Variants in TULP4 observed in about 807,000 individuals in gnomAD.
The protein encoded by TULP4 is tubby-related protein 4.
Under a neutral mutation model 129.0 loss-of-function variants are expected in TULP4, and 16 were observed. The observed-to-expected ratio is 0.12, with a 90% CI of 0.08 to 0.19. TULP4 has a LOEUF of 0.19. Ranked by LOEUF, TULP4 falls within the 10% of genes least tolerant of loss-of-function variation. The pLI, the probability that TULP4 is intolerant of heterozygous loss-of-function variation, is 1.00. For missense variants in TULP4, 1,842 were observed against 2,059.1 expected (o/e 0.89, Z 2.04); for synonymous variants, 998 against 854.0 (o/e 1.17, Z -2.94).
intron 1 of TULP4, among the ~76,000 whole-genome samples, chr6:158,246,023 G>GGTGTGTGTGTGTGTGTGT (rs66690741): frequency 2.4e-3 from 343 of 145,908 alleles, no homozygotes; most frequent in Non-Finnish European, 2.8e-3. Context: ...ACCCCTTAGG[G>GGTGTGTGTGTGTGTGTGT]GTGTGTGTGT....
At chr6:158,276,913 C>CT (rs576641766) in intron 1 of TULP4, among the ~76,000 whole-genome samples, 89 of 150,988 alleles carry the variant, frequency 5.9e-4, no homozygotes, top group Non-Finnish European at 8.6e-4. Context: ...TGCTGGTCTT[C>CT]TTTTTTTTTG....
intron 3 of TULP4, among the ~76,000 whole-genome samples, chr6:158,444,889 G>A (rs920201399): frequency 6.6e-6 from 1 of 152,132 alleles, no homozygotes; most frequent in Non-Finnish European, 1.5e-5. Context: ...ATGGCTCACT[G>A]CAGCCTCCAA....
chr6:158,439,041 T>G (rs1045742464), intron 3 of TULP4, among the ~76,000 whole-genome samples: 1 of 151,790 alleles, frequency 6.6e-6, no homozygotes. Context: ...TGTGGTGGCA[T>G]GTGCCTGTAG....
At chr6:158,293,913 G>C (rs754654977) in intron 1 of TULP4, among the ~76,000 whole-genome samples, 2 of 152,224 alleles carry the variant, frequency 1.3e-5, no homozygotes, top group Non-Finnish European at 1.5e-5. Context: ...AGTGGCTACT[G>C]AGAGTATTCC....
chr6:158,489,848 C>T, intron 9 of TULP4, 116 bp downstream of exon 9: 1 of 1,254,962 alleles, frequency 8.0e-7, no homozygotes. Flanking sequence ...ACCTCCCTGC[C>T]TTTTCTTCCA....
chr6:158,360,094 C>T (rs1780748401), intron 1 of TULP4, among the ~76,000 whole-genome samples: 3 of 150,106 alleles, frequency 2.0e-5, no homozygotes, highest in Non-Finnish European at 4.4e-5. Flanking sequence ...CCTTTTATGC[C>T]TCCAAAAAAA....
chr6:158,366,375 C>A (rs1358993188), intron 1 of TULP4, among the ~76,000 whole-genome samples: 1 of 152,226 alleles, frequency 6.6e-6, no homozygotes, highest in African/African-American at 2.4e-5. Flanking sequence ...GAAGTTCAGG[C>A]TCCTGCCCTT....
At chr6:158,368,547 C>T (rs1355098831) in intron 1 of TULP4, among the ~76,000 whole-genome samples, 2 of 152,198 alleles carry the variant, frequency 1.3e-5, no homozygotes, top group East Asian at 3.8e-4. Context: ...TAGTGTTTCA[C>T]GGCATTTGTG....
chr6:158,324,043 G>A (rs1779693363), intron 1 of TULP4, among the ~76,000 whole-genome samples: 2 of 152,182 alleles, frequency 1.3e-5, no homozygotes, highest in East Asian at 1.9e-4. Flanking sequence ...ACTGTATTGA[G>A]CGAAATGAAT....
At chr6:158,336,571 A>G (rs890574792) in intron 1 of TULP4, among the ~76,000 whole-genome samples, 1 of 152,196 alleles carries the variant, frequency 6.6e-6, no homozygotes, top group Non-Finnish European at 1.5e-5. Flanking sequence ...AAAGAATACT[A>G]TTGGTAAGAA....
intron 6 of TULP4, among the ~76,000 whole-genome samples, chr6:158,467,714 CT>C (rs1270901538): frequency 6.6e-6 from 1 of 152,238 alleles, no homozygotes; most frequent in Non-Finnish European, 1.5e-5. Flanking sequence ...TCACCATAAT[CT>C]GGCCCTCCAT....
chr6:158,396,700 A>G (rs1300955909), intron 1 of TULP4, among the ~76,000 whole-genome samples: 1 of 152,208 alleles, frequency 6.6e-6, no homozygotes, highest in Non-Finnish European at 1.5e-5. Flanking sequence ...CCTAGAAATA[A>G]CCAGTGTTTA....
intron 2 of TULP4, among the ~76,000 whole-genome samples, chr6:158,416,453 A>G (rs1250728468): frequency 1.4e-5 from 2 of 138,644 alleles, no homozygotes; most frequent in Non-Finnish European, 3.4e-5. Context: ...AAACATTTAA[A>G]AAGAAAAAAA....
intron 6 of TULP4, among the ~76,000 whole-genome samples, chr6:158,469,162 C>G (rs1779617162): frequency 6.6e-6 from 1 of 152,030 alleles, no homozygotes; most frequent in Non-Finnish European, 1.5e-5. Flanking sequence ...GGACAAAAAT[C>G]CAGAACGGTG....
chr6:158,264,941 C>T (rs576768345), intron 1 of TULP4, among the ~76,000 whole-genome samples: 2 of 152,278 alleles, frequency 1.3e-5, no homozygotes, highest in Admixed American at 6.5e-5. Context: ...GTTAGAAGTA[C>T]TAAGGTAAAA....
chr6:158,265,699 A>AC (rs1554275226), intron 1 of TULP4, among the ~76,000 whole-genome samples: 2 of 150,614 alleles, frequency 1.3e-5, no homozygotes, highest in Non-Finnish European at 3.0e-5. Flanking sequence ...AAAAAAAAAA[A>AC]TTTTGGCTCA....
At chr6:158,482,737 C>T (rs1398341585) in intron 8 of TULP4, among the ~76,000 whole-genome samples, 1 of 152,158 alleles carries the variant, frequency 6.6e-6, no homozygotes, top group Non-Finnish European at 1.5e-5. Flanking sequence ...CCCCTGGGTA[C>T]AATTTTATAA....
chr6:158,436,897 A>G (rs1405395963), intron 3 of TULP4, among the ~76,000 whole-genome samples: 1 of 152,164 alleles, frequency 6.6e-6, no homozygotes, highest in African/African-American at 2.4e-5. Flanking sequence ...GAAAGTGGGT[A>G]GGTTTATCCT....
At chr6:158,283,569 C>T (rs1778792951) in intron 1 of TULP4, among the ~76,000 whole-genome samples, 1 of 152,168 alleles carries the variant, frequency 6.6e-6, no homozygotes, top group African/African-American at 2.4e-5. Context: ...AACTTTGGAT[C>T]TGTGTGCTTG....
Sources: gnomAD v4.1 joint callset for allele counts (sites outside exome capture counted in the v4.1 genomes callset) on GRCh38, gnomAD v4.1.1 for gene constraint, MANE v1.5 for transcripts, NCBI Gene and HGNC (gene_info 2026-07-23, HGNC 2026-07-21) for gene names.